FANK1: variants seen among roughly 807,000 people sequenced by gnomAD.
The protein encoded by FANK1 is fibronectin type 3 and ankyrin repeat domains protein 1.
A neutral mutation model predicts 45.3 loss-of-function variants in FANK1; 44 were observed. The observed-to-expected ratio is 0.97, with a 90% confidence interval of 0.76 to 1.25. The LOEUF is 1.25. Ranked by LOEUF, FANK1 falls within the 50% of genes most tolerant of loss-of-function variation. The pLI is 0.00. For missense variants in FANK1, 391 were observed against 424.4 expected (o/e 0.92, Z 0.69); for synonymous variants, 149 against 152.5 (o/e 0.98, Z 0.17).
In FANK1 at chr10:126,002,185, G is replaced by A. The variant is rs780422714; in HGVS notation, c.540-2699G>A. Among the ~76,000 whole-genome samples the A allele has an allele frequency of 5.3e-5, 8 of 151,944 alleles. No individual in the cohort carries two copies. The South Asian group carries it at 8.3e-4, about 16-fold the overall frequency. ...AAATTAGCCGAGCATGGTGTTGTAC[G>A]CCTGTAATCCCAGCTACTTGAGGGG... On this transcript the variant is annotated intron_variant, in intron 6 of 10. Coordinates refer to ENST00000368693, the MANE Select transcript of FANK1 (RefSeq NM_145235.5).
intron 5 of FANK1, 77 bp downstream of exon 5, chr10:125,996,701 G>C: frequency 6.9e-7 from 1 of 1,439,216 alleles, no homozygotes; most frequent in Non-Finnish European, 9.6e-7. Context: ...GTCAGGATAA[G>C]GATGGGAGGA....
At chr10:125,932,536 T>C (rs1251702195) in intron 1 of FANK1, among the ~76,000 whole-genome samples, 1 of 152,204 alleles carries the variant, frequency 6.6e-6, no homozygotes, top group Non-Finnish European at 1.5e-5. Flanking sequence ...GCTACTGATT[T>C]GGGTACATTG....
rs142935696 is a variant in FANK1 at position 125,958,477 on chromosome 10, A to C, written c.14-21684A>C. On this transcript the variant is annotated intron_variant, in intron 1 of 10. Coordinates refer to ENST00000368693, the MANE Select transcript of FANK1 (RefSeq NM_145235.5). ...GGTCTCGAACTCCTGGTCTCAAGTG[A>C]TTGGCCAGCCTTGGCCTCCTAAGGT... Among the ~76,000 whole-genome samples, 176 of 152,286 alleles carry C rather than the reference A, an allele frequency of 1.2e-3. 1 individual carries two copies. The highest frequency in any genetic ancestry group is 3.7e-3 in the African/African-American group (154 of 41,552).
chr10:125,991,889 C>T (rs1564954854), intron 3 of FANK1, among the ~76,000 whole-genome samples: 3 of 152,194 alleles, frequency 2.0e-5, no homozygotes, highest in African/African-American at 4.8e-5. Flanking sequence ...AGAACATGAG[C>T]GATGGCTTCC....
intron 1 of FANK1, among the ~76,000 whole-genome samples, chr10:125,919,195 A>ATTTTTTGTTTTTTT (rs1946740266): frequency 1.9e-5 from 1 of 51,862 alleles, no homozygotes; most frequent in Non-Finnish European, 3.4e-5. Context: ...GGAGGTAAGA[A>ATTTTTTGTTTTTTT]TTTTTTTTTT....
intron 3 of FANK1, among the ~76,000 whole-genome samples, chr10:125,993,129 C>T (rs750005513): frequency 6.6e-6 from 1 of 152,126 alleles, no homozygotes; most frequent in Non-Finnish European, 1.5e-5. Flanking sequence ...AAAAAGCCTA[C>T]GTACAGCTTA....
chr10:125,930,688 C>T (rs1363650799), intron 1 of FANK1, among the ~76,000 whole-genome samples: 3 of 152,032 alleles, frequency 2.0e-5, no homozygotes, highest in Non-Finnish European at 4.4e-5. Flanking sequence ...GTACTATATA[C>T]ATGGGCATGC....
intron 1 of FANK1, among the ~76,000 whole-genome samples, chr10:125,974,730 T>TG (rs1442838474): frequency 5.9e-5 from 9 of 152,378 alleles, no homozygotes; most frequent in Admixed American, 2.0e-4. Context: ...TTCCACTTTA[T>TG]GGACATAGAA....
chr10:125,911,998 A>G (rs112588114), intron 1 of FANK1, among the ~76,000 whole-genome samples: 1 of 152,232 alleles, frequency 6.6e-6, no homozygotes, highest in Admixed American at 6.5e-5. Context: ...ATCAAGTTCC[A>G]TTTAGGAAAA....
chr10:125,948,720 A>C (rs545943307), intron 1 of FANK1, among the ~76,000 whole-genome samples: 384 of 152,272 alleles, frequency 2.5e-3, no homozygotes, highest in African/African-American at 9.0e-3. Flanking sequence ...TCCTTCTGAA[A>C]CTATTCCAAT....
At chr10:125,922,103 TTGATAAGA>T (rs1160647162) in intron 1 of FANK1, among the ~76,000 whole-genome samples, 2 of 152,214 alleles carry the variant, frequency 1.3e-5, no homozygotes, top group African/African-American at 4.8e-5. Flanking sequence ...AGCACATATT[TTGATAAGA>T]TGATGTCATA....
chr10:125,992,063 A>G (rs1048347395), intron 3 of FANK1, among the ~76,000 whole-genome samples: 4 of 144,300 alleles, frequency 2.8e-5, no homozygotes, highest in African/African-American at 1.2e-4. Context: ...AACACTAGAA[A>G]AACCCGCAGA....
At chr10:126,004,623 G>A in intron 6 of FANK1, 1 of 407,332 alleles carries the variant, frequency 2.5e-6, no homozygotes, top group Non-Finnish European at 4.6e-6. Context: ...GACAATATGT[G>A]GCCTTTCATG....
rs564909604 is a variant in FANK1 at position 125,970,793 on chromosome 10, A to G, written c.14-9368A>G. ...AGTCCAGCCTCGGCAACAGAGGGGGACCGTGGAAAGTGAGAGATGGAGACG... is the reference window on the plus strand; with the variant it reads ...AGTCCAGCCTCGGCAACAGAGGGGGGCCGTGGAAAGTGAGAGATGGAGACG... On this transcript the variant is annotated intron_variant, in intron 1 of 10. Transcript: ENST00000368693. 3.7e-4 allele frequency among the ~76,000 whole-genome samples: 57 copies of G among 152,160 alleles called. No individual in the cohort carries two copies. The East Asian group carries it at 7.9e-3, about 21-fold the overall frequency.
chr10:126,002,558 C>T (rs1397708429), intron 6 of FANK1, among the ~76,000 whole-genome samples: 1 of 152,128 alleles, frequency 6.6e-6, no homozygotes, highest in Non-Finnish European at 1.5e-5. Flanking sequence ...CTCAGCTCGG[C>T]TGTGCCTTGC....
intron 3 of FANK1, chr10:125,994,416 T>A (rs1564958198): frequency 3.0e-6 from 3 of 985,326 alleles, no homozygotes; most frequent in African/African-American, 3.5e-5. Flanking sequence ...GAGGTTTTTT[T>A]AGACCAGGGA....
chr10:126,009,106 G>A lies in FANK1; in HGVS notation c.902G>A (p.Gly301Glu). Residue 301 changes from glycine (G) to glutamate (E), a missense_variant, in exon 9 of 11, where the codon GGG (glycine) becomes GAG (glutamate). By Grantham distance (98) the Gly-to-Glu change is moderately conservative. Transcript: ENST00000368693. ...TTAGTTCAGTTACTTCTTGACAAAG[G>A]GGCAGATGCAAGTGTAAAAAATGAG... ...EELVQLLLDK[G>E]ADASVKNEFG... 1.2e-6 allele frequency: 2 copies of A among 1,614,176 alleles called. No individual in the cohort carries two copies. The highest frequency in any genetic ancestry group is 1.1e-5 in the South Asian group (1 of 91,076).
intron 2 of FANK1, among the ~76,000 whole-genome samples, chr10:125,986,236 C>T (rs1292504841): frequency 6.6e-6 from 1 of 152,142 alleles, no homozygotes; most frequent in Non-Finnish European, 1.5e-5. Context: ...GGCAGAGACA[C>T]GTACGTGGTC....
chr10:125,942,646 C>G (rs1948524832), intron 1 of FANK1, among the ~76,000 whole-genome samples: 1 of 152,026 alleles, frequency 6.6e-6, no homozygotes, highest in Non-Finnish European at 1.5e-5. Context: ...ACATTACCAA[C>G]TTAAATTCAG....
Sources: allele counts gnomAD v4.1 joint callset (sites outside exome capture counted in the v4.1 genomes callset), GRCh38; gene constraint gnomAD v4.1.1; transcripts MANE v1.5; gene names NCBI Gene and HGNC (gene_info 2026-07-23, HGNC 2026-07-21).